Variants in CACNG5 observed in about 807,000 individuals in gnomAD.
CACNG5 encodes the protein calcium voltage-gated channel auxiliary subunit gamma 5.
In CACNG5, 18 loss-of-function variants were observed where a neutral mutation model predicts 24.8. The ratio of observed to expected loss-of-function variants is 0.73; its 90% CI spans 0.50 to 1.08. The LOEUF is 1.08. Among genes scored for constraint, CACNG5 ranks in the 50% least tolerant of loss-of-function variants. The probability of loss-of-function intolerance (pLI) is 0.00; values close to 1 mark genes in which losing one functional copy is unlikely to be tolerated. For synonymous variants in CACNG5, 157 were observed against 149.1 expected, an observed-to-expected ratio of 1.05 and a Z score of -0.39; for missense variants, 349 against 367.9, an observed-to-expected ratio of 0.95 and a Z score of 0.42.
chr17:66,894,001 G>A lies in CACNG5; in HGVS notation c.*8761G>A, dbSNP rs1477769325. On this transcript the variant is annotated 3_prime_UTR_variant, in exon 6 of 6. Transcript: ENST00000533854. ...TTGCATGGGAATCCAATGGGGAGGG[G>A]ATGGCAGTGGCTGCCAGGCTAGAAA... Among the ~76,000 whole-genome samples the A allele has an allele frequency of 6.6e-6, 1 of 152,182 alleles. No individual in the cohort carries two copies. Among genetic ancestry groups the A allele is most frequent in the African/African-American group, 2.4e-5 (1 of 41,432 alleles).
At chr17:66,859,930 A>T (rs565589457) in intron 1 of CACNG5, among the ~76,000 whole-genome samples, 2 of 151,868 alleles carry the variant, frequency 1.3e-5, no homozygotes, top group Admixed American at 6.6e-5. Context: ...TGTAAGGAAA[A>T]TGCTGGGTTC....
intron 1 of CACNG5, among the ~76,000 whole-genome samples, chr17:66,838,984 CAG>C (rs1489106215): frequency 6.6e-5 from 4 of 60,446 alleles, no homozygotes; most frequent in Admixed American, 3.4e-4. Flanking sequence ...TTTTTTGAGA[CAG>C]AGTCTCACTC....
At chr17:66,872,182 T>G (rs745974387) in intron 1 of CACNG5, among the ~76,000 whole-genome samples, 1 of 152,244 alleles carries the variant, frequency 6.6e-6, no homozygotes, top group Non-Finnish European at 1.5e-5. Flanking sequence ...TCTGTGAATT[T>G]TGTATACGGT....
intron 1 of CACNG5, among the ~76,000 whole-genome samples, chr17:66,870,744 C>T (rs566283514): frequency 4.6e-5 from 7 of 152,168 alleles, no homozygotes; most frequent in Admixed American, 2.6e-4. Flanking sequence ...TTTGAGAGGC[C>T]GAGGCAGGTG....
At chr17:66,869,471 C>A (rs946358861) in intron 1 of CACNG5, among the ~76,000 whole-genome samples, 6 of 152,184 alleles carry the variant, frequency 3.9e-5, no homozygotes, top group Non-Finnish European at 7.3e-5. Flanking sequence ...TAAGTCTTCA[C>A]AATAACTCTT....
chr17:66,836,039 T>G (rs564443724), intron 1 of CACNG5, among the ~76,000 whole-genome samples: 3 of 152,242 alleles, frequency 2.0e-5, no homozygotes, highest in African/African-American at 7.2e-5. Flanking sequence ...TGAAAATGAT[T>G]TGAGAAATAA....
intron 1 of CACNG5, among the ~76,000 whole-genome samples, chr17:66,836,053 C>T (rs1183426608): frequency 6.6e-6 from 1 of 152,188 alleles, no homozygotes; most frequent in East Asian, 1.9e-4. Flanking sequence ...GAAATAATTC[C>T]GGGAGCCTGG....
rs1319191562 is a variant in CACNG5 at position 66,854,094 on chromosome 17, A to C, written c.-104+18844A>C. 3.3e-5 allele frequency among the ~76,000 whole-genome samples: 5 copies of C among 152,180 alleles called. No individual in the cohort carries two copies. The East Asian group carries it at 9.6e-4, about 29-fold the overall frequency. ...AAATCAATAATAGTACAATACATTT[A>C]ATTTAAATTTAAATTTAAGAATGTC... is the stretch of plus-strand genomic sequence containing the variant. On this transcript the variant is annotated intron_variant, in intron 1 of 5. Coordinates refer to ENST00000533854, the MANE Select transcript of CACNG5 (RefSeq NM_145811.3).
At position 66,893,363 on chromosome 17, in the gene CACNG5, C is replaced by T. The variant is rs895258993; in HGVS notation, c.*8123C>T. ...CTCTACACGTTAATCCTGACTCCTT[C>T]TCTCCCATCTCTACTCATGATGCCA... On this transcript the variant is annotated 3_prime_UTR_variant, in exon 6 of 6. Transcript: ENST00000533854. 6.6e-6 allele frequency among the ~76,000 whole-genome samples: 1 copy of T among 152,212 alleles called. No individual in the cohort carries two copies. The highest frequency in any genetic ancestry group is 1.5e-5 in the Non-Finnish European group (1 of 68,050).
chr17:66,884,472 G>C lies in CACNG5; in HGVS notation c.425-44G>C, dbSNP rs1415706197. On this transcript the variant is annotated intron_variant, in intron 4 of 5. Transcript: ENST00000533854. Reference sequence around the variant, plus strand: ...TGGGTGCCACCTCAGCAAACTTCCTGGGCCTCTGGGCTGAGCATCCCCTCT... The same window carrying C: ...TGGGTGCCACCTCAGCAAACTTCCTCGGCCTCTGGGCTGAGCATCCCCTCT... The C allele has an allele frequency of 1.9e-6, 3 of 1,552,728 alleles. 1 individual carries two copies. The highest frequency in any genetic ancestry group is 2.6e-6 in the Non-Finnish European group (3 of 1,150,652).
Position 66,893,234 on chromosome 17 carries a change from C to A in CACNG5, c.*7994C>A, listed in dbSNP as rs753054597. ...CTAAATGTTCTGCATGGTAAATGTACCCTCTTCTATAATCAGAGAAATAAT... is the reference window on the plus strand; with the variant it reads ...CTAAATGTTCTGCATGGTAAATGTAACCTCTTCTATAATCAGAGAAATAAT... On this transcript the variant is annotated 3_prime_UTR_variant, in exon 6 of 6. Transcript: ENST00000533854. 7.2e-5 allele frequency among the ~76,000 whole-genome samples: 11 copies of A among 152,106 alleles called. No individual in the cohort carries two copies. The highest frequency in any genetic ancestry group is 1.0e-4 in the Non-Finnish European group (7 of 68,008).
intron 1 of CACNG5, among the ~76,000 whole-genome samples, chr17:66,843,623 G>T (rs1327722385): frequency 2.6e-5 from 4 of 152,150 alleles, no homozygotes; most frequent in African/African-American, 9.7e-5. Context: ...CAGGCTACCT[G>T]AATCACATTG....
chr17:66,839,068 C>T (rs1253642270), intron 1 of CACNG5, among the ~76,000 whole-genome samples: 2 of 150,152 alleles, frequency 1.3e-5, no homozygotes, highest in East Asian at 2.0e-4. Flanking sequence ...TTCAAGCGAA[C>T]CTCCTGCCTC....
At chr17:66,861,223 C>T (rs1354150744) in intron 1 of CACNG5, among the ~76,000 whole-genome samples, 1 of 152,142 alleles carries the variant, frequency 6.6e-6, no homozygotes, top group Non-Finnish European at 1.5e-5. Context: ...GAAATGACAT[C>T]AAGTGGTAAC....
At chr17:66,843,267 A>C (rs1035903171) in intron 1 of CACNG5, among the ~76,000 whole-genome samples, 6 of 152,142 alleles carry the variant, frequency 3.9e-5, no homozygotes, top group African/African-American at 1.4e-4. Flanking sequence ...TCACTGTGCC[A>C]CTCTGAAGTC....
At chr17:66,836,133 G>A (rs1224498300) in intron 1 of CACNG5, among the ~76,000 whole-genome samples, 1 of 152,194 alleles carries the variant, frequency 6.6e-6, no homozygotes, top group African/African-American at 2.4e-5. Flanking sequence ...TCCGGTACCT[G>A]CCAGGCACGC....
chr17:66,839,064 C>T (rs1976526342), intron 1 of CACNG5, among the ~76,000 whole-genome samples: 1 of 149,038 alleles, frequency 6.7e-6, no homozygotes, highest in Non-Finnish European at 1.5e-5. Context: ...CGGGTTCAAG[C>T]GAACCTCCTG....
rs1313445748 is a variant in CACNG5 at position 66,891,480 on chromosome 17, C to T, written c.*6240C>T. 2.6e-5 allele frequency among the ~76,000 whole-genome samples: 4 copies of T among 152,176 alleles called. No homozygotes were observed. In the East Asian group the frequency reaches 7.7e-4, roughly 29 times the overall value. Reference sequence around the variant, plus strand: ...TCCCTGCTCATTGGTGTGGCAATTGCATCCACTGAGACTTCAGCTAAGGTT... The same window carrying T: ...TCCCTGCTCATTGGTGTGGCAATTGTATCCACTGAGACTTCAGCTAAGGTT... On this transcript the variant is annotated 3_prime_UTR_variant, in exon 6 of 6. Transcript: ENST00000533854.
At chr17:66,871,861 A>AAGAG (rs1977012261) in intron 1 of CACNG5, among the ~76,000 whole-genome samples, 1 of 152,076 alleles carries the variant, frequency 6.6e-6, no homozygotes, top group Non-Finnish European at 1.5e-5. Context: ...CTCCATCTCA[A>AAGAG]AAAGAAACAA....
Sources: gnomAD v4.1 joint callset for allele counts (sites outside exome capture counted in the v4.1 genomes callset) on GRCh38, gnomAD v4.1.1 for gene constraint, MANE v1.5 for transcripts, NCBI Gene and HGNC (gene_info 2026-07-23, HGNC 2026-07-21) for gene names.